The following NCKAP5 variants were observed in gnomAD, a reference collection of about 807,000 sequenced individuals.
NCKAP5 encodes the protein nck-associated protein 5.
In NCKAP5, 92 loss-of-function variants were observed where a neutral mutation model predicts 167.0. The ratio of observed to expected loss-of-function variants is 0.55; its 90% CI spans 0.47 to 0.66. NCKAP5 has a LOEUF of 0.66. Ranked by LOEUF, NCKAP5 falls within the 30% of genes least tolerant of loss-of-function variation. The pLI, the probability that NCKAP5 is intolerant of heterozygous loss-of-function variation, is 0.00. For synonymous variants in NCKAP5, 891 were observed against 877.4 expected, an observed-to-expected ratio of 1.02 and a Z score of -0.27; for missense variants, 2,378 against 2,315.0, an observed-to-expected ratio of 1.03 and a Z score of -0.56.
intron 10 of NCKAP5, among the ~76,000 whole-genome samples, chr2:132,860,908 C>T (rs1036032291): frequency 6.6e-6 from 1 of 152,072 alleles, no homozygotes; most frequent in Admixed American, 6.6e-5. Flanking sequence ...TAAGTTTCCG[C>T]CTATATATTT....
intron 4 of NCKAP5, among the ~76,000 whole-genome samples, chr2:133,236,296 A>T (rs1325790069): frequency 6.6e-6 from 1 of 152,174 alleles, no homozygotes; most frequent in African/African-American, 2.4e-5. Context: ...GCTCACAGGA[A>T]TCTAACCCTG....
At chr2:133,475,439 A>T (rs1679794922) in intron 3 of NCKAP5, among the ~76,000 whole-genome samples, 2 of 152,212 alleles carry the variant, frequency 1.3e-5, no homozygotes, top group South Asian at 4.1e-4. Context: ...CATAAATGAC[A>T]TCCCCAACCC....
At chr2:133,166,414 T>C (rs2084003958) in intron 5 of NCKAP5, among the ~76,000 whole-genome samples, 1 of 152,216 alleles carries the variant, frequency 6.6e-6, no homozygotes, top group Admixed American at 6.5e-5. Context: ...AATGGATGCA[T>C]TATATTCCCT....
intron 6 of NCKAP5, among the ~76,000 whole-genome samples, chr2:133,116,793 C>A (rs2082098773): frequency 6.6e-6 from 1 of 152,156 alleles, no homozygotes. Context: ...GTGGCCTTTG[C>A]AAATTGCTTA....
At chr2:133,547,007 G>T (rs1375005529) in intron 2 of NCKAP5, among the ~76,000 whole-genome samples, 1 of 152,148 alleles carries the variant, frequency 6.6e-6, no homozygotes, top group Admixed American at 6.5e-5. Context: ...GTGGGCGCAG[G>T]CCAGTGGGTG....
intron 16 of NCKAP5, among the ~76,000 whole-genome samples, chr2:132,767,150 C>T (rs1365779490): frequency 6.6e-6 from 1 of 152,206 alleles, no homozygotes; most frequent in Admixed American, 6.5e-5. Flanking sequence ...CTGAAGTAGG[C>T]TTGATCCTGT....
chr2:133,273,959 TAA>T (rs927391322), intron 4 of NCKAP5, among the ~76,000 whole-genome samples: 9 of 139,098 alleles, frequency 6.5e-5, no homozygotes, highest in African/African-American at 1.3e-4. Flanking sequence ...CTTAACCTGA[TAA>T]AGTTTGTCTA....
At chr2:133,100,916 A>G (rs968225392) in intron 6 of NCKAP5, among the ~76,000 whole-genome samples, 13 of 152,140 alleles carry the variant, frequency 8.5e-5, no homozygotes, top group Non-Finnish European at 1.8e-4. Context: ...ATTAGATCCC[A>G]TTTGTCAATT....
chr2:132,953,463 T>G (rs757697154), intron 8 of NCKAP5, among the ~76,000 whole-genome samples: 8 of 152,148 alleles, frequency 5.3e-5, no homozygotes, highest in Non-Finnish European at 1.2e-4. Context: ...TGCTTTATTT[T>G]TATTACCTTA....
chr2:132,903,410 C>G (rs1166405672), intron 8 of NCKAP5, among the ~76,000 whole-genome samples: 1 of 152,198 alleles, frequency 6.6e-6, no homozygotes, highest in Non-Finnish European at 1.5e-5. Flanking sequence ...ATAGTTTTAA[C>G]TTTATTAACT....
chr2:133,292,306 A>G (rs984702539), intron 4 of NCKAP5, among the ~76,000 whole-genome samples: 1 of 138,902 alleles, frequency 7.2e-6, no homozygotes, highest in Non-Finnish European at 1.5e-5. Flanking sequence ...TTCTAGATTT[A>G]AAAAAAAAAA....
intron 3 of NCKAP5, among the ~76,000 whole-genome samples, chr2:133,307,072 C>T (rs191701476): frequency 9.9e-4 from 151 of 152,296 alleles, no homozygotes; most frequent in African/African-American, 3.3e-3. Context: ...AACTTCCTAC[C>T]TCATTCAGCA....
At chr2:132,770,813 G>A (rs1231266017) in intron 16 of NCKAP5, among the ~76,000 whole-genome samples, 1 of 152,156 alleles carries the variant, frequency 6.6e-6, no homozygotes. Flanking sequence ...ATACACAATG[G>A]TGATCCCTTA....
chr2:132,914,640 C>T (rs929279077), intron 8 of NCKAP5, among the ~76,000 whole-genome samples: 2 of 152,016 alleles, frequency 1.3e-5, no homozygotes, highest in Non-Finnish European at 2.9e-5. Context: ...TGAATGGGAT[C>T]TTGTACCCCA....
intron 4 of NCKAP5, among the ~76,000 whole-genome samples, chr2:133,291,842 C>T (rs971354032): frequency 6.6e-6 from 1 of 152,230 alleles, no homozygotes; most frequent in Admixed American, 6.5e-5. Flanking sequence ...TTAACCTATT[C>T]CTGATTCTTT....
At chr2:133,226,655 G>A (rs1178807414) in intron 4 of NCKAP5, among the ~76,000 whole-genome samples, 1 of 123,696 alleles carries the variant, frequency 8.1e-6, no homozygotes, top group Non-Finnish European at 1.8e-5. Context: ...AGAACACCAT[G>A]TGAAGATGAA....
At chr2:132,858,868 C>CAAAT (rs1689669371) in intron 11 of NCKAP5, among the ~76,000 whole-genome samples, 1 of 152,020 alleles carries the variant, frequency 6.6e-6, no homozygotes, top group Admixed American at 6.6e-5. Context: ...GTTTACCATG[C>CAAAT]AAATAAATGA....
chr2:133,151,250 C>T (rs916543241), intron 5 of NCKAP5, among the ~76,000 whole-genome samples: 4 of 151,940 alleles, frequency 2.6e-5, no homozygotes, highest in Non-Finnish European at 4.4e-5. Flanking sequence ...TTTTTAGATA[C>T]AACACCAAAA....
chr2:132,779,006 G>C (rs1470561705), intron 15 of NCKAP5, among the ~76,000 whole-genome samples: 1 of 152,108 alleles, frequency 6.6e-6, no homozygotes, highest in African/African-American at 2.4e-5. Context: ...CAACTACCCA[G>C]GTTAATAACA....
Sources: allele counts gnomAD v4.1 joint callset (sites outside exome capture counted in the v4.1 genomes callset), GRCh38; gene constraint gnomAD v4.1.1; transcripts MANE v1.5; gene names NCBI Gene and HGNC (gene_info 2026-07-23, HGNC 2026-07-21).